LARP4: variants seen among roughly 807,000 people sequenced by gnomAD.
The protein encoded by LARP4 is La ribonucleoprotein 4.
A neutral mutation model predicts 92.9 loss-of-function variants in LARP4; 29 were observed. That is an observed-to-expected ratio of 0.31 (90% CI 0.23 to 0.43). LARP4 has a LOEUF of 0.43. Among genes scored for constraint, LARP4 ranks in the 20% least tolerant of loss-of-function variants. The probability of loss-of-function intolerance (pLI) is 1.00; values close to 1 mark genes in which losing one functional copy is unlikely to be tolerated. For missense variants in LARP4, 732 were observed against 860.0 expected, an observed-to-expected ratio of 0.85 and a Z score of 1.86; for synonymous variants, 279 against 284.1, an observed-to-expected ratio of 0.98 and a Z score of 0.18.
intron 10 of LARP4, 66 bp downstream of exon 10, chr12:50,454,483 G>A (rs1953858719): frequency 5.8e-6 from 7 of 1,204,900 alleles, no homozygotes; most frequent in Admixed American, 2.1e-5. Flanking sequence ...GGCATTAATA[G>A]CAATGTTTGT....
At chr12:50,413,926 C>G (rs1946339616) in intron 1 of LARP4, among the ~76,000 whole-genome samples, 1 of 152,144 alleles carries the variant, frequency 6.6e-6, no homozygotes, top group African/African-American at 2.4e-5. Flanking sequence ...CAGTTCACCT[C>G]TATGGTAGGA....
At chr12:50,445,503 A>G (rs1361102690) in intron 8 of LARP4, among the ~76,000 whole-genome samples, 1 of 152,072 alleles carries the variant, frequency 6.6e-6, no homozygotes, top group African/African-American at 2.4e-5. Flanking sequence ...GGGAATTTCC[A>G]AATACTTGCC....
At chr12:50,441,847 G>A (rs971344573) in intron 8 of LARP4, among the ~76,000 whole-genome samples, 6 of 152,294 alleles carry the variant, frequency 3.9e-5, no homozygotes, top group East Asian at 1.9e-4. Flanking sequence ...CCAGGAGTTC[G>A]AGACCAGCCT....
At position 50,410,798 on chromosome 12, in the gene LARP4, C is replaced by T. The variant is rs968945909; in HGVS notation, c.18+9770C>T. Reference sequence around the variant, plus strand: ...CTTTGATTATATTTTCAGAGTGATTCGTGACCCCCAAAAGGTTAAGTGCCA... The same window carrying T: ...CTTTGATTATATTTTCAGAGTGATTTGTGACCCCCAAAAGGTTAAGTGCCA... On this transcript the variant is annotated intron_variant, in intron 1 of 15. Transcript: ENST00000398473. Among the ~76,000 whole-genome samples the T allele has an allele frequency of 7.9e-5, 12 of 152,178 alleles. No individual in the cohort carries two copies. The East Asian group carries it at 1.2e-3, about 15-fold the overall frequency.
chr12:50,454,310 C>G lies in LARP4; in HGVS notation c.1018-4C>G. 5.0e-6 allele frequency: 8 copies of G among 1,604,040 alleles called. No homozygotes were observed. Among genetic ancestry groups the G allele is most frequent in the East Asian group, 2.2e-5 (1 of 44,752 alleles). ...ATATTGTTTAAACATACATTTTTTTCTAGGCTCCCTTTCCCAATGGTAGTT... is the reference window on the plus strand; with the variant it reads ...ATATTGTTTAAACATACATTTTTTTGTAGGCTCCCTTTCCCAATGGTAGTT... On this transcript the variant is annotated splice_polypyrimidine_tract_variant and splice_region_variant and intron_variant, in intron 9 of 15. Transcript: ENST00000398473.
chr12:50,408,994 A>T (rs1565933048), intron 1 of LARP4, among the ~76,000 whole-genome samples: 1 of 151,880 alleles, frequency 6.6e-6, no homozygotes, highest in South Asian at 2.1e-4. Flanking sequence ...TTTTTTTTTT[A>T]AATATATTGG....
At chr12:50,452,103 A>G (rs895839571) in intron 8 of LARP4, among the ~76,000 whole-genome samples, 7 of 152,186 alleles carry the variant, frequency 4.6e-5, no homozygotes, top group Admixed American at 1.3e-4. Context: ...TTGTTTCCAT[A>G]TGTTAGCCAC....
At chr12:50,417,425 A>G (rs909734649) in intron 1 of LARP4, among the ~76,000 whole-genome samples, 8 of 152,142 alleles carry the variant, frequency 5.3e-5, no homozygotes, top group African/African-American at 1.4e-4. Context: ...TTCTTAAATA[A>G]TACCTTGATA....
At chr12:50,456,541 GC>G (rs1390799753) in intron 10 of LARP4, among the ~76,000 whole-genome samples, 1 of 152,096 alleles carries the variant, frequency 6.6e-6, no homozygotes, top group African/African-American at 2.4e-5. Context: ...TTTTTAGAGA[GC>G]CTTTTGCAAT....
intron 1 of LARP4, among the ~76,000 whole-genome samples, chr12:50,406,189 G>A (rs1169530605): frequency 1.3e-5 from 2 of 152,118 alleles, no homozygotes; most frequent in Non-Finnish European, 2.9e-5. Flanking sequence ...CATATTTTAG[G>A]TTGGGTAACG....
At chr12:50,475,336 TCC>T (rs1565775315) in intron 15 of LARP4, among the ~76,000 whole-genome samples, 188 bp from the exon 16 acceptor site, 1 of 152,158 alleles carries the variant, frequency 6.6e-6, no homozygotes, top group African/African-American at 2.4e-5. Flanking sequence ...TCAGTTAAAT[TCC>T]TTACGTGAAA....
At chr12:50,427,600 C>T (rs147505989) in intron 1 of LARP4, among the ~76,000 whole-genome samples, 162 bp from the exon 2 acceptor site, 2,711 of 152,184 alleles carry the variant, frequency 0.018, 40 homozygotes, top group South Asian at 0.082. Flanking sequence ...AGATGTCTCA[C>T]ATTTTCAAGT....
chr12:50,468,479 A>G (rs1956472653), intron 13 of LARP4, among the ~76,000 whole-genome samples: 1 of 150,102 alleles, frequency 6.7e-6, no homozygotes, highest in African/African-American at 2.5e-5. Context: ...TTGTATTTTT[A>G]GTAGAGGCAG....
intron 13 of LARP4, among the ~76,000 whole-genome samples, chr12:50,469,677 G>A (rs929029466): frequency 6.6e-6 from 1 of 150,616 alleles, no homozygotes; most frequent in Non-Finnish European, 1.5e-5. Flanking sequence ...TTGGGAGCCT[G>A]AGGAGAGTGG....
At chr12:50,434,511 C>T (rs752102581) in intron 4 of LARP4, among the ~76,000 whole-genome samples, 1 of 151,140 alleles carries the variant, frequency 6.6e-6, no homozygotes, top group Non-Finnish European at 1.5e-5. Context: ...CTCCGCCTCC[C>T]AGGTTCAAGC....
At chr12:50,424,012 G>A (rs957094251) in intron 1 of LARP4, among the ~76,000 whole-genome samples, 1 of 152,062 alleles carries the variant, frequency 6.6e-6, no homozygotes, top group Non-Finnish European at 1.5e-5. Flanking sequence ...CAAGGCCTTG[G>A]CCTCCCAAAG....
chr12:50,473,875 A>C, intron 14 of LARP4, 124 bp from the exon 15 acceptor site: 1 of 693,774 alleles, frequency 1.4e-6, no homozygotes, highest in Non-Finnish European at 2.4e-6. Context: ...ATGCCACTAC[A>C]CTCCAGCCTG....
intron 13 of LARP4, among the ~76,000 whole-genome samples, chr12:50,468,593 T>C (rs1194078678): frequency 1.3e-5 from 2 of 151,920 alleles, no homozygotes; most frequent in Admixed American, 6.6e-5. Context: ...CACCGCGCCC[T>C]GCCTAATTAA....
chr12:50,411,428 C>A (rs1197608530), intron 1 of LARP4, among the ~76,000 whole-genome samples: 2 of 150,750 alleles, frequency 1.3e-5, no homozygotes, highest in Non-Finnish European at 3.0e-5. Context: ...CAGCTCACGG[C>A]AACCCCTGCC....
Sources: gnomAD v4.1 joint callset for allele counts (sites outside exome capture counted in the v4.1 genomes callset) on GRCh38, gnomAD v4.1.1 for gene constraint, MANE v1.5 for transcripts, NCBI Gene and HGNC (gene_info 2026-07-23, HGNC 2026-07-21) for gene names.